RPL31: variants seen among roughly 807,000 people sequenced by gnomAD.
RPL31 encodes the protein ribosomal protein L31, also known as large ribosomal subunit protein eL31.
For missense variants in RPL31, 95 were observed against 164.0 expected, an observed-to-expected ratio of 0.58 and a Z score of 2.30; for synonymous variants, 51 against 55.0, an observed-to-expected ratio of 0.93 and a Z score of 0.32.
At chr2:101,019,046 C>A (rs774073174) in exon 5 of RPL31, 1 of 1,610,504 alleles carries the variant, frequency 6.2e-7, no homozygotes, top group Admixed American at 1.7e-5. Context: ...TAAAGGGAGC[C>A]CTCCTGGAAG....
chr2:101,007,410 C>A, downstream of RPL31: 1 of 188,350 alleles, frequency 5.3e-6, no homozygotes. Context: ...ATAGTGGACT[C>A]CCTTAGATCT....
intron 2 of RPL31, among the ~76,000 whole-genome samples, chr2:101,003,025 A>C (rs547430210): frequency 6.6e-6 from 1 of 152,128 alleles, no homozygotes; most frequent in South Asian, 2.1e-4. Context: ...ATTCTTTCTT[A>C]GCCGAATGCG....
downstream of RPL31, chr2:101,011,103 G>A (rs1267374697): frequency 3.6e-6 from 5 of 1,371,508 alleles, no homozygotes; most frequent in East Asian, 1.1e-4. Context: ...ATGTAGGAGA[G>A]AGGAGCAAGG....
At chr2:101,015,707 A>T (rs889806619) in intron 4 of RPL31, among the ~76,000 whole-genome samples, 3 of 152,228 alleles carry the variant, frequency 2.0e-5, no homozygotes, top group African/African-American at 7.2e-5. Flanking sequence ...ACAGCATGGT[A>T]CTGGTACCAA....
At chr2:101,004,450 C>T in intron 3 of RPL31, 167 bp downstream of exon 3, 2 of 687,216 alleles carry the variant, frequency 2.9e-6, no homozygotes, top group Non-Finnish European at 4.7e-6. Context: ...GCAGGGAAGC[C>T]CCTTAATTTA....
chr2:101,004,081 C>G (rs1305265553), intron 2 of RPL31, 77 bp from the exon 3 acceptor site: 11 of 1,502,020 alleles, frequency 7.3e-6, no homozygotes, highest in South Asian at 2.5e-5. Context: ...AGCCTATCAT[C>G]GACATTGAGG....
intron 4 of RPL31, among the ~76,000 whole-genome samples, chr2:101,016,740 A>G (rs573540271): frequency 6.6e-6 from 1 of 152,348 alleles, no homozygotes; most frequent in Admixed American, 6.5e-5. Context: ...AATACTATGC[A>G]GCCATAAAAA....
chr2:101,017,285 G>A (rs1679724245), intron 4 of RPL31, among the ~76,000 whole-genome samples: 1 of 152,006 alleles, frequency 6.6e-6, no homozygotes. Flanking sequence ...TTTTTAATAA[G>A]TAGAAGGAAT....
In RPL31 at chr2:101,006,432, TTC is replaced by T. The variant is rs549336335; in HGVS notation, c.*53_*54del. 4 of 1,549,614 alleles carry T rather than the reference TTC, an allele frequency of 2.6e-6. No homozygotes were observed. In the South Asian group the frequency reaches 3.5e-5, roughly 14 times the overall value. Reference sequence around the variant, plus strand: ...TTATAAAATTGCCTTCATGTTTTTGTTCTTTTTAGTTGCAACATAATGTACTT... The same window carrying T: ...TTATAAAATTGCCTTCATGTTTTTGTTTTTTAGTTGCAACATAATGTACTT... On this transcript the variant is annotated 3_prime_UTR_variant, in exon 5 of 5. Coordinates refer to ENST00000264258, the MANE Select transcript of RPL31 (RefSeq NM_000993.5).
At chr2:101,009,821 C>CATTTTTT (rs144990163), downstream of RPL31, among the ~76,000 whole-genome samples, 4 of 134,192 alleles carry the variant, frequency 3.0e-5, 1 homozygote, top group South Asian at 2.3e-4. Flanking sequence ...AAAAAAGGAG[C>CATTTTTT]TTTTTCTTTT....
downstream of RPL31, among the ~76,000 whole-genome samples, chr2:101,009,792 AAAAT>A (rs1392254713): frequency 6.6e-5 from 10 of 152,034 alleles, no homozygotes; most frequent in Admixed American, 3.3e-4. Flanking sequence ...CCACAGCACC[AAAAT>A]GACTTAAGTC....
chr2:101,008,195 T>C (rs1034977327), downstream of RPL31: 1 of 1,612,712 alleles, frequency 6.2e-7, no homozygotes, highest in African/African-American at 1.3e-5. Context: ...ACTGTGGCGA[T>C]GGCTTGATAC....
At chr2:101,011,463 C>T (rs1062062), downstream of RPL31, 193,811 of 1,613,398 alleles carry the variant, frequency 0.12, 13,346 homozygotes, top group Non-Finnish European at 0.14. Context: ...TTGGGTTTCC[C>T]GAAAACCAGG....
At chr2:101,016,035 A>T (rs1462818137) in intron 4 of RPL31, among the ~76,000 whole-genome samples, 1 of 151,812 alleles carries the variant, frequency 6.6e-6, no homozygotes, top group Non-Finnish European at 1.5e-5. Context: ...TGTCTAAAAC[A>T]CCAAAAGCAA....
chr2:101,004,584 A>G, intron 3 of RPL31: 5 of 404,030 alleles, frequency 1.2e-5, no homozygotes, highest in Non-Finnish European at 1.7e-5. Flanking sequence ...AGTGGAATAA[A>G]TCACTGTGAG....
chr2:101,018,781 T>C (rs1679840451), intron 4 of RPL31, among the ~76,000 whole-genome samples: 1 of 152,204 alleles, frequency 6.6e-6, no homozygotes, highest in Non-Finnish European at 1.5e-5. Flanking sequence ...TATAACTTTC[T>C]CAGCAGTTTG....
intron 4 of RPL31, among the ~76,000 whole-genome samples, chr2:101,013,285 A>G (rs1366622141): frequency 6.6e-6 from 1 of 152,144 alleles, no homozygotes; most frequent in Admixed American, 6.5e-5. Context: ...ATTGATGATC[A>G]GAAGGATAGG....
At chr2:101,016,064 T>C (rs1418719376) in intron 4 of RPL31, among the ~76,000 whole-genome samples, 1 of 151,858 alleles carries the variant, frequency 6.6e-6, no homozygotes, top group Non-Finnish European at 1.5e-5. Context: ...AAAGCCAAAA[T>C]TGACAAATGG....
downstream of RPL31, chr2:101,007,927 A>C (rs989170842): frequency 2.5e-6 from 4 of 1,613,952 alleles, no homozygotes; most frequent in Non-Finnish European, 3.4e-6. Context: ...TTTCATGTCC[A>C]GTGGCTTTTC....
Sources: allele counts gnomAD v4.1 joint callset (sites outside exome capture counted in the v4.1 genomes callset), GRCh38; gene constraint gnomAD v4.1.1; transcripts MANE v1.5; gene names NCBI Gene and HGNC (gene_info 2026-07-23, HGNC 2026-07-21).